The following RPS6 variants were observed in gnomAD, a reference collection of about 807,000 sequenced individuals.
The protein encoded by RPS6 is ribosomal protein S6, also known as small ribosomal subunit protein eS6.
RPS6 carries 1 observed loss-of-function variant against 27.1 expected under a neutral mutation model. That is an observed-to-expected ratio of 0.04 (90% CI 0.01 to 0.18). The LOEUF (loss-of-function observed/expected upper bound fraction) is 0.18, where lower values mean the gene tolerates loss of function less well. RPS6 is among the 10% of genes least tolerant of loss of function. The pLI, the probability that RPS6 is intolerant of heterozygous loss-of-function variation, is 1.00. For missense variants in RPS6, 259 were observed against 319.1 expected, an observed-to-expected ratio of 0.81 and a Z score of 1.44; for synonymous variants, 152 against 106.0, an observed-to-expected ratio of 1.43 and a Z score of -2.66.
At chr9:19,379,011 G>GA in intron 2 of RPS6, 93 bp from the exon 3 acceptor site, 1 of 1,224,640 alleles carries the variant, frequency 8.2e-7, no homozygotes, top group Non-Finnish European at 1.1e-6. Context: ...ACCTATATGA[G>GA]AAAGTATAAT....
intron 2 of RPS6, 141 bp from the exon 3 acceptor site, chr9:19,379,059 TTCAG>T (rs1414541003): frequency 1.2e-5 from 11 of 901,432 alleles, no homozygotes; most frequent in South Asian, 1.8e-5. Context: ...GTTTTCTCTG[TTCAG>T]TGAGTTTTGT....
rs1485444351 is a variant in RPS6 at position 19,376,557 on chromosome 9, C to G, written c.591G>C (p.Gln197His). 2 of 1,614,014 alleles carry G rather than the reference C, an allele frequency of 1.2e-6. No homozygotes were observed. Among genetic ancestry groups the G allele is most frequent in the African/African-American group, 2.7e-5 (2 of 74,902 alleles). The change falls in exon 5 of 6, where the codon CAG (glutamine) becomes CAC (histidine). Residue 197 changes from glutamine to histidine, a missense_variant. Around this residue, in one of 3 missense-constraint regions of RPS6, gnomAD observed 191 missense variants for 231.6 expected, o/e 0.82. Coordinates refer to ENST00000380394, the MANE Select transcript of RPS6 (RefSeq NM_001010.3). ...HKRRRIALKK[Q>H]RTKKNKEEAA... is the part of the protein sequence containing the mutation. ...CCTCTTCTTTATTTTTCTTGGTACG[C>G]TGCTTCTTCAGAGCAATACGCCGCC...
At chr9:19,376,867 G>A (rs762586723) in intron 4 of RPS6, 2 of 432,394 alleles carry the variant, frequency 4.6e-6, no homozygotes, top group Non-Finnish European at 8.0e-6. Flanking sequence ...GGGAAACCAA[G>A]TCCTGAAAAA....
intron 3 of RPS6, 89 bp from the exon 4 acceptor site, chr9:19,378,603 A>G (rs1287400332): frequency 6.3e-7 from 1 of 1,575,418 alleles, no homozygotes; most frequent in Non-Finnish European, 8.7e-7. Context: ...GATGGTAGAG[A>G]AACAAATCCA....
In RPS6 at chr9:19,379,307, G is replaced by A. The variant is rs759377431; in HGVS notation, c.138+180C>T. On this transcript the variant is annotated intron_variant, in intron 2 of 5. Coordinates refer to ENST00000380394, the MANE Select transcript of RPS6 (RefSeq NM_001010.3). ...GATGTAAACTTTACGTATATTTTAT[G>A]GCTTACTCTACGTCCCCCCCTCCAA... 1.0e-5 allele frequency: 15 copies of A among 1,486,648 alleles called. No homozygotes were observed. In the East Asian group the frequency reaches 2.2e-4, roughly 22 times the overall value. The allele number at this position is 1,486,648 out of a possible 1,614,324, so 92.1% of individuals were successfully genotyped here.
chr9:19,379,109 GTCTT>G (rs756959783), intron 2 of RPS6, 191 bp from the exon 3 acceptor site: 9 of 757,458 alleles, frequency 1.2e-5, no homozygotes, highest in East Asian at 8.1e-5. Flanking sequence ...ATTATCAAAT[GTCTT>G]TCAAGTCGCA....
intron 2 of RPS6, 104 bp downstream of exon 2, chr9:19,379,383 G>A (rs776940906): frequency 1.3e-6 from 2 of 1,562,456 alleles, no homozygotes; most frequent in Middle Eastern, 1.7e-4. Flanking sequence ...CTTACCAAAG[G>A]TCAGAAGCCA....
rs1023360483 is a variant in RPS6, at chr9:19,376,304, T to C, written c.739A>G (p.Ser247Gly). The C allele has an allele frequency of 3.1e-6, 5 of 1,611,336 alleles. No individual in the cohort carries two copies. In the African/African-American group the frequency reaches 5.4e-5, roughly 17 times the overall value. Residue 247 changes from serine (S) to glycine (G), a missense_variant, in exon 6 of 6, where the codon AGT becomes GGT. Around this residue, in one of 3 missense-constraint regions of RPS6, gnomAD observed 191 missense variants for 231.6 expected, o/e 0.82. Coordinates refer to ENST00000380394, the MANE Select transcript of RPS6 (RefSeq NM_001010.3). ...LRASTSKSES[S>G]QK ...TTACTCAAAAAATCTTATTTCTGAC[T>C]GGATTCAGACTTAGAAGTAGAAGCT... is the stretch of plus-strand genomic sequence containing the variant.
Position 19,379,745 on chromosome 9 carries a change from A to G in RPS6, c.7-127T>C, listed in dbSNP as rs541359300. 3.5e-5 allele frequency: 52 copies of G among 1,502,470 alleles called. No individual in the cohort carries two copies. The East Asian group carries it at 1.1e-3, about 32-fold the overall frequency. 93.1% of individuals were successfully genotyped at this position (1,502,470 alleles called of 1,614,324 possible). ...CCTCCACACAAGCAGGAAATATAAG[A>G]TGCCGACTGTACTCACTAAAAGCAC... On this transcript the variant is annotated intron_variant, in intron 1 of 5. Coordinates refer to ENST00000380394, the MANE Select transcript of RPS6 (RefSeq NM_001010.3).
At chr9:19,376,825 TAGA>T in intron 4 of RPS6, 174 bp from the exon 5 acceptor site, 2 of 531,160 alleles carry the variant, frequency 3.8e-6, no homozygotes, top group South Asian at 6.8e-5. Flanking sequence ...CACAGAAATC[TAGA>T]AGATTGGTTA....
chr9:19,378,216 G>A (rs899085774), intron 4 of RPS6, 152 bp downstream of exon 4: 4 of 685,686 alleles, frequency 5.8e-6, no homozygotes, highest in Non-Finnish European at 9.7e-6. Flanking sequence ...CACCAACTGG[G>A]TATGCTGGCC....
At chr9:19,380,044 GC>G (rs1589014454) in intron 1 of RPS6, 145 bp downstream of exon 1, 1 of 1,570,988 alleles carries the variant, frequency 6.4e-7, no homozygotes, top group Non-Finnish European at 8.6e-7. Context: ...AAAGCTCCAT[GC>G]CCCAGAAAGG....
chr9:19,377,392 CTTT>C (rs77882767), intron 4 of RPS6, among the ~76,000 whole-genome samples: 18 of 132,412 alleles, frequency 1.4e-4, no homozygotes, highest in African/African-American at 3.6e-4. Flanking sequence ...TTGTCAATTG[CTTT>C]TTTTTTTTTT....
intron 2 of RPS6, chr9:19,379,166 T>C: frequency 2.3e-6 from 2 of 858,376 alleles, no homozygotes; most frequent in South Asian, 1.9e-5. Context: ...ACTAAGAAGA[T>C]AAAATATCAA....
In RPS6 at chr9:19,376,310, C is replaced by T. The variant is rs765357060; in HGVS notation, c.733G>A (p.Glu245Lys). 1 of 1,613,196 alleles carries T rather than the reference C, an allele frequency of 6.2e-7. No individual in the cohort carries two copies. The highest frequency in any genetic ancestry group is 1.1e-5 in the South Asian group (1 of 90,926). Residue 245 changes from glutamate to lysine, a missense_variant, in exon 6 of 6, where the codon GAA becomes AAA. This residue lies in a region of RPS6 where 191 missense variants were observed against 231.6 expected (regional missense o/e 0.82). Coordinates refer to ENST00000380394, the MANE Select transcript of RPS6 (RefSeq NM_001010.3). Reference protein sequence around the residue: ...SSLRASTSKSESSQK With the variant: ...SSLRASTSKSKSSQK The stretch of plus-strand genomic sequence containing the variant: ...AAAAAATCTTATTTCTGACTGGATT[C>T]AGACTTAGAAGTAGAAGCTCGCAGA...
chr9:19,376,727 T>C (rs1829594517), intron 4 of RPS6, 76 bp from the exon 5 acceptor site: 1 of 1,430,026 alleles, frequency 7.0e-7, no homozygotes, highest in African/African-American at 1.4e-5. Context: ...ACATCAGAAA[T>C]AAACGTAAGC....
intron 2 of RPS6, chr9:19,379,259 T>C: frequency 1.4e-6 from 2 of 1,431,970 alleles, no homozygotes; most frequent in Non-Finnish European, 1.8e-6. Flanking sequence ...GCCAAATGCA[T>C]GATGCAGGGC....
Position 19,376,179 on chromosome 9 carries a change from T to A in RPS6, c.*114A>T. 1.2e-6 allele frequency: 1 copy of A among 850,462 alleles called. No homozygotes were observed. Among genetic ancestry groups the A allele is most frequent in the Non-Finnish European group, 1.9e-6 (1 of 533,876 alleles). 52.7% of individuals were successfully genotyped at this position (850,462 alleles called of 1,614,324 possible). Reference sequence around the variant, plus strand: ...ACCATTGGAATACCATATATACATATCCCCATTTTCTATGACCTAACTTTC... The same window carrying A: ...ACCATTGGAATACCATATATACATAACCCCATTTTCTATGACCTAACTTTC... On this transcript the variant is annotated 3_prime_UTR_variant, in exon 6 of 6. Transcript: ENST00000380394.
chr9:19,379,265 A>G (rs1466904254), intron 2 of RPS6: 1 of 1,441,872 alleles, frequency 6.9e-7, no homozygotes, highest in Non-Finnish European at 9.2e-7. Flanking sequence ...TGCATGATGC[A>G]GGGCAAGAAT....
Sources: allele counts gnomAD v4.1 joint callset (sites outside exome capture counted in the v4.1 genomes callset), GRCh38; gene constraint gnomAD v4.1.1; regional missense constraint gnomAD v4.1.1; transcripts MANE v1.5; gene names NCBI Gene and HGNC (gene_info 2026-07-23, HGNC 2026-07-21).